Variants in TNNI3K observed in about 807,000 individuals in gnomAD.
The protein encoded by TNNI3K is TNNI3 interacting kinase.
A neutral mutation model predicts 114.5 loss-of-function variants in TNNI3K; 140 were observed. The observed-to-expected ratio is 1.22, with a 90% CI of 1.07 to 1.41. TNNI3K has a LOEUF of 1.41. TNNI3K is among the 40% of genes most tolerant of loss of function. TNNI3K has a pLI of 0.00. For synonymous variants in TNNI3K, 347 were observed against 347.5 expected (o/e 1.00, Z 0.02); for missense variants, 1,125 against 1,007.6 (o/e 1.12, Z -1.58).
intron 2 of TNNI3K, among the ~76,000 whole-genome samples, chr1:74,241,696 A>G (rs1388225345): frequency 7.9e-5 from 12 of 152,136 alleles, no homozygotes; most frequent in East Asian, 5.8e-4. Context: ...AGATGAGTAG[A>G]TTGCAAAAAT....
chr1:74,386,628 C>T (rs961016854), intron 17 of TNNI3K, among the ~76,000 whole-genome samples: 2 of 152,102 alleles, frequency 1.3e-5, no homozygotes, highest in Admixed American at 1.3e-4. Flanking sequence ...TTGTGGGGCA[C>T]TTTTACATAG....
chr1:74,281,334 A>ATGTGTG (rs149830701), intron 5 of TNNI3K, among the ~76,000 whole-genome samples: 29,114 of 147,220 alleles, frequency 0.2, 3,569 homozygotes, highest in African/African-American at 0.35. Context: ...ACAATAATAG[A>ATGTGTG]TGTGTGTGTG....
intron 21 of TNNI3K, among the ~76,000 whole-genome samples, chr1:74,483,738 G>C (rs1668614332): frequency 6.6e-6 from 1 of 152,138 alleles, no homozygotes; most frequent in African/African-American, 2.4e-5. Flanking sequence ...GCTCAGGATG[G>C]TTAGCAAACC....
intron 21 of TNNI3K, among the ~76,000 whole-genome samples, chr1:74,466,390 T>A (rs934014323): frequency 6.6e-6 from 1 of 152,048 alleles, no homozygotes; most frequent in Admixed American, 6.6e-5. Context: ...CTAAAAGCAT[T>A]TTTTGGGTAG....
chr1:74,374,865 T>C (rs954938210), intron 17 of TNNI3K: 3 of 152,016 alleles, frequency 2.0e-5, no homozygotes, highest in African/African-American at 7.2e-5. Context: ...TCATTATTTA[T>C]AGCTTAAAGG....
intron 17 of TNNI3K, among the ~76,000 whole-genome samples, chr1:74,393,724 G>T (rs1663920082): frequency 6.6e-6 from 1 of 152,164 alleles, no homozygotes; most frequent in Admixed American, 6.5e-5. Context: ...AGGTGGGGAA[G>T]TGGGGGATGG....
At chr1:74,398,292 T>C (rs1266243208) in intron 17 of TNNI3K, among the ~76,000 whole-genome samples, 1 of 152,144 alleles carries the variant, frequency 6.6e-6, no homozygotes, top group Non-Finnish European at 1.5e-5. Flanking sequence ...TGCTCCTTGA[T>C]GGAAGAGAAG....
At chr1:74,353,510 C>G in intron 10 of TNNI3K, 150 bp downstream of exon 10, 2 of 871,970 alleles carry the variant, frequency 2.3e-6, no homozygotes, top group South Asian at 3.6e-5. Context: ...TTGATAATGA[C>G]TGATAATAAT....
chr1:74,449,797 T>G (rs1304624763), intron 20 of TNNI3K, among the ~76,000 whole-genome samples: 1 of 150,804 alleles, frequency 6.6e-6, no homozygotes, highest in Non-Finnish European at 1.5e-5. Context: ...CTCCCACACA[T>G]TAATAATGGG....
intron 20 of TNNI3K, among the ~76,000 whole-genome samples, chr1:74,444,070 G>A (rs886449059): frequency 4.6e-5 from 7 of 152,140 alleles, no homozygotes; most frequent in Non-Finnish European, 7.4e-5. Flanking sequence ...ATGGGCAAAA[G>A]CTGGAAGCAT....
chr1:74,374,176 G>T (rs1289625001), intron 17 of TNNI3K: 1 of 151,810 alleles, frequency 6.6e-6, no homozygotes, highest in Non-Finnish European at 1.5e-5. Context: ...TTGATCCATG[G>T]TTAGTTGAAT....
intron 5 of TNNI3K, among the ~76,000 whole-genome samples, chr1:74,328,606 G>A (rs1570471553): frequency 2.0e-5 from 3 of 152,160 alleles, no homozygotes; most frequent in East Asian, 1.9e-4. Flanking sequence ...ATTCAAAAAT[G>A]ACTCTGTATG....
intron 5 of TNNI3K, among the ~76,000 whole-genome samples, chr1:74,318,697 T>A (rs1355450374): frequency 1.3e-5 from 2 of 152,248 alleles, no homozygotes; most frequent in African/African-American, 4.8e-5. Context: ...GTTCACACAT[T>A]GTCATCATCA....
At chr1:74,434,393 A>G (rs111616403) in intron 17 of TNNI3K, among the ~76,000 whole-genome samples, 17 of 152,072 alleles carry the variant, frequency 1.1e-4, no homozygotes, top group African/African-American at 4.1e-4. Flanking sequence ...TTCCAGCCTC[A>G]TCTCCTTTAC....
chr1:74,305,418 G>A (rs1338939129), intron 5 of TNNI3K, among the ~76,000 whole-genome samples: 1 of 152,318 alleles, frequency 6.6e-6, no homozygotes, highest in African/African-American at 2.4e-5. Flanking sequence ...GGGTTGTGAT[G>A]CAGCCTCAAT....
chr1:74,391,378 A>C (rs899623595), intron 17 of TNNI3K, among the ~76,000 whole-genome samples: 2 of 152,150 alleles, frequency 1.3e-5, no homozygotes, highest in Admixed American at 6.5e-5. Context: ...GACAGTGGAC[A>C]TGGAGAGAAA....
At chr1:74,505,911 G>A (rs1333996815) in intron 23 of TNNI3K, among the ~76,000 whole-genome samples, 2 of 152,090 alleles carry the variant, frequency 1.3e-5, no homozygotes, top group African/African-American at 4.8e-5. Context: ...ATCTGCAAAC[G>A]AGTACAAAAA....
At chr1:74,377,553 A>G (rs926514737) in intron 17 of TNNI3K, among the ~76,000 whole-genome samples, 39 of 152,230 alleles carry the variant, frequency 2.6e-4, no homozygotes, top group African/African-American at 9.1e-4. Context: ...ATATATCCAT[A>G]TAATACAGAA....
chr1:74,436,199 T>TCA (rs1666121383), intron 18 of TNNI3K, 67 bp downstream of exon 18: 4 of 1,590,268 alleles, frequency 2.5e-6, no homozygotes, highest in Non-Finnish European at 3.4e-6. Flanking sequence ...GTGCCTGATA[T>TCA]TGTACCATGA....
Sources: allele counts gnomAD v4.1 joint callset (sites outside exome capture counted in the v4.1 genomes callset), GRCh38; gene constraint gnomAD v4.1.1; transcripts MANE v1.5; gene names NCBI Gene and HGNC (gene_info 2026-07-23, HGNC 2026-07-21).